The following SLC8A1 variants were observed in gnomAD, a reference collection of about 807,000 sequenced individuals.
The protein encoded by SLC8A1 is solute carrier family 8 member A1, also known as sodium/calcium exchanger 1.
Under a neutral mutation model 68.3 loss-of-function variants are expected in SLC8A1, and 18 were observed. The ratio of observed to expected loss-of-function variants is 0.26; its 90% CI spans 0.18 to 0.39. SLC8A1 has a LOEUF of 0.39. SLC8A1 is among the 10% of genes least tolerant of loss of function. The pLI, the probability that SLC8A1 is intolerant of heterozygous loss-of-function variation, is 1.00. For synonymous variants in SLC8A1, 475 were observed against 415.5 expected, an observed-to-expected ratio of 1.14 and a Z score of -1.74; for missense variants, 985 against 1,156.7, an observed-to-expected ratio of 0.85 and a Z score of 2.15.
intron 2 of SLC8A1, among the ~76,000 whole-genome samples, chr2:40,227,484 C>T (rs532422506): frequency 1.1e-3 from 161 of 152,086 alleles, no homozygotes; most frequent in Admixed American, 3.6e-3. Flanking sequence ...CCAAATACGA[C>T]GTGTTCTGAC....
intron 2 of SLC8A1, among the ~76,000 whole-genome samples, chr2:40,356,894 C>G (rs1298533684): frequency 6.6e-6 from 1 of 152,046 alleles, no homozygotes; most frequent in Non-Finnish European, 1.5e-5. Flanking sequence ...CCTTAAGCCT[C>G]AATTATAAAA....
At chr2:40,160,828 C>T in exon 6 of SLC8A1, 1 of 1,613,110 alleles carries the variant, frequency 6.2e-7, no homozygotes, top group African/African-American at 1.3e-5. Flanking sequence ...ACCACAAGGG[C>T]CAGGTTTGTC....
intron 2 of SLC8A1, among the ~76,000 whole-genome samples, chr2:40,412,404 C>A (rs992163179): frequency 1.3e-5 from 2 of 152,056 alleles, no homozygotes; most frequent in South Asian, 4.2e-4. Context: ...CATATATTTA[C>A]AACCATTTAT....
chr2:40,464,015 C>T (rs1703508056), intron 1 of SLC8A1, among the ~76,000 whole-genome samples: 1 of 152,100 alleles, frequency 6.6e-6, no homozygotes, highest in Non-Finnish European at 1.5e-5. Context: ...CTGTCTCAGC[C>T]TCCTGAGTAG....
exon 8 of SLC8A1, chr2:40,109,822 G>C (rs1188798869): frequency 1.3e-5 from 2 of 152,208 alleles, no homozygotes; most frequent in African/African-American, 4.8e-5. Flanking sequence ...CACTGAGGCA[G>C]CTATGAATGA....
chr2:40,443,585 G>T (rs1352746089), intron 1 of SLC8A1, among the ~76,000 whole-genome samples: 2 of 152,124 alleles, frequency 1.3e-5, no homozygotes, highest in Non-Finnish European at 2.9e-5. Flanking sequence ...ATTTATACAA[G>T]ACTTTTTCTC....
intron 2 of SLC8A1, among the ~76,000 whole-genome samples, chr2:40,412,851 A>G (rs12052649): frequency 0.14 from 21,480 of 152,200 alleles, 2,733 homozygotes; most frequent in East Asian, 0.67. Context: ...CCATCTAAAT[A>G]TCCTCTGAAA....
chr2:40,443,414 C>T (rs1437686180), intron 1 of SLC8A1, among the ~76,000 whole-genome samples: 1 of 152,150 alleles, frequency 6.6e-6, no homozygotes, highest in Non-Finnish European at 1.5e-5. Flanking sequence ...ATTTAAAAGA[C>T]ATTCTGCAGG....
intron 2 of SLC8A1, among the ~76,000 whole-genome samples, chr2:40,360,951 G>C (rs1277217255): frequency 2.6e-5 from 4 of 152,126 alleles, no homozygotes; most frequent in Non-Finnish European, 4.4e-5. Flanking sequence ...AATAAAATGA[G>C]CACAAAAAGA....
intron 1 of SLC8A1, among the ~76,000 whole-genome samples, chr2:40,489,448 C>A (rs1008325707): frequency 4.0e-4 from 61 of 152,206 alleles, no homozygotes; most frequent in African/African-American, 1.5e-3. Context: ...AGGAACTTTT[C>A]TTCCCATGGT....
chr2:40,486,706 TG>T (rs1278869831), intron 1 of SLC8A1, among the ~76,000 whole-genome samples: 3 of 150,986 alleles, frequency 2.0e-5, no homozygotes, highest in South Asian at 2.1e-4. Context: ...TATCTTAATA[TG>T]TTTTTTTTAA....
chr2:40,246,210 G>C (rs2061845852), intron 2 of SLC8A1, among the ~76,000 whole-genome samples: 1 of 152,088 alleles, frequency 6.6e-6, no homozygotes, highest in South Asian at 2.1e-4. Flanking sequence ...GATATGGTTG[G>C]TTACACATAC....
rs139241519 is a variant in SLC8A1, at chr2:40,308,194, G to T, written c.1808+120279C>A. Among the ~76,000 whole-genome samples, 9 of 152,222 alleles carry T rather than the reference G, an allele frequency of 5.9e-5. No homozygotes were observed. The East Asian group carries it at 1.7e-3, about 29-fold the overall frequency. Reference sequence around the variant, plus strand: ...CTTTTTGCTAATTTCTGAGGAGAAGGTGCCTCATGATTCGTGGCAGTGACA... The same window carrying T: ...CTTTTTGCTAATTTCTGAGGAGAAGTTGCCTCATGATTCGTGGCAGTGACA... On this transcript the variant is annotated intron_variant, in intron 2 of 7. Coordinates refer to ENST00000406785, the Ensembl canonical transcript of SLC8A1.
intron 1 of SLC8A1, among the ~76,000 whole-genome samples, chr2:40,484,400 CTACCCATG>C (rs544610885): frequency 2.6e-5 from 4 of 152,226 alleles, no homozygotes; most frequent in Non-Finnish European, 4.4e-5. Flanking sequence ...GTCCTTGTTT[CTACCCATG>C]CTCCAAGCCT....
intron 7 of SLC8A1, among the ~76,000 whole-genome samples, chr2:40,125,226 T>G (rs1292244778): frequency 1.3e-5 from 2 of 152,178 alleles, no homozygotes; most frequent in African/African-American, 4.8e-5. Context: ...GACAAATCCT[T>G]GGATGAAAAG....
In SLC8A1 at chr2:40,106,173, GAA is replaced by G. The variant is rs2034184518; in HGVS notation, c.*9078_*9079del. The G allele has an allele frequency of 2.0e-5, 3 of 152,302 alleles. No homozygotes were observed. In the South Asian group the frequency reaches 6.2e-4, roughly 32 times the overall value. 9.4% of individuals were successfully genotyped at this position (152,302 alleles called of 1,614,324 possible). On this transcript the variant is annotated 3_prime_UTR_variant, in exon 8 of 8. Transcript: ENST00000406785. The stretch of plus-strand genomic sequence containing the variant: ...CAAATTTAGTGTATTTTGAAGGAAG[GAA>G]AACTTTTTTCCTTTTCACTTTTCTC...
At chr2:40,442,194 T>TATA (rs548034010) in intron 1 of SLC8A1, among the ~76,000 whole-genome samples, 2,090 of 149,142 alleles carry the variant, frequency 0.014, 54 homozygotes, top group African/African-American at 0.049. Context: ...AAACTTAAAG[T>TATA]ATAATAATAA....
chr2:40,451,737 TCACACACACACACACACACACA>T (rs756970142), intron 1 of SLC8A1, among the ~76,000 whole-genome samples, 145 bp downstream of exon 1: 9 of 133,664 alleles, frequency 6.7e-5, no homozygotes, highest in Admixed American at 3.0e-4. Flanking sequence ...ACACACCACA[TCACACACACACACACACACACA>T]CACACACACA....
At chr2:40,289,227 T>TA (rs1452650424) in intron 2 of SLC8A1, among the ~76,000 whole-genome samples, 61 of 148,736 alleles carry the variant, frequency 4.1e-4, no homozygotes, top group African/African-American at 1.6e-3. Context: ...CCTGTTTTTT[T>TA]TAAAAAATAA....
Sources: allele counts gnomAD v4.1 joint callset (sites outside exome capture counted in the v4.1 genomes callset), GRCh38; gene constraint gnomAD v4.1.1; transcripts MANE v1.5; gene names NCBI Gene and HGNC (gene_info 2026-07-23, HGNC 2026-07-21).